The following FRAS1 variants were observed in gnomAD, a reference collection of about 807,000 sequenced individuals.
The protein encoded by FRAS1 is Fraser extracellular matrix complex subunit 1.
A neutral mutation model predicts 435.2 loss-of-function variants in FRAS1; 290 were observed. The ratio of observed to expected loss-of-function variants is 0.67; its 90% CI spans 0.61 to 0.73. FRAS1 has a LOEUF of 0.73. Among genes scored for constraint, FRAS1 ranks in the 30% least tolerant of loss-of-function variants. The pLI is 0.00. For synonymous variants in FRAS1, 1,800 were observed against 1,851.0 expected (o/e 0.97, Z 0.71); for missense variants, 4,860 against 5,001.5 (o/e 0.97, Z 0.85).
intron 9 of FRAS1, among the ~76,000 whole-genome samples, chr4:78,276,256 T>C (rs1025225006): frequency 6.6e-6 from 1 of 152,244 alleles, no homozygotes; most frequent in African/African-American, 2.4e-5. Context: ...TGCCATGGAT[T>C]TGAACTCCCT....
chr4:78,210,404 G>A (rs944930007), intron 2 of FRAS1, among the ~76,000 whole-genome samples: 3 of 152,216 alleles, frequency 2.0e-5, no homozygotes, highest in Non-Finnish European at 2.9e-5. Context: ...TCTCCCAACA[G>A]ACTCTATCAG....
At chr4:78,291,726 A>C (rs1417535363) in intron 14 of FRAS1, among the ~76,000 whole-genome samples, 1 of 152,214 alleles carries the variant, frequency 6.6e-6, no homozygotes, top group Admixed American at 6.5e-5. Context: ...GTGAGCTCAC[A>C]GTCAAGGCAG....
intron 2 of FRAS1, among the ~76,000 whole-genome samples, chr4:78,111,616 G>T (rs1405123924): frequency 4.8e-5 from 5 of 103,706 alleles, no homozygotes; most frequent in African/African-American, 7.6e-5. Context: ...GTCGGGGGAG[G>T]GGGGAGGGAT....
chr4:78,057,692 T>G lies in FRAS1; in HGVS notation c.-318T>G, dbSNP rs1739533416. ...CCCATCGGCCAGTGACCAGCAACTT[T>G]CCGGCGAGATTTTGACGCGGAGAAC... On this transcript the variant is annotated 5_prime_UTR_variant, in exon 1 of 74. Transcript: ENST00000512123. This position sits in a 1 kb window ranked among gnomAD's most constrained non-coding sequence, Gnocchi z 4.2. 8 of 418,780 alleles carry G rather than the reference T, an allele frequency of 1.9e-5. 1 individual carries two copies. In the East Asian group the frequency reaches 2.7e-4, roughly 14 times the overall value. The allele number at this position is 418,780 out of a possible 1,614,324, so 25.9% of individuals were successfully genotyped here.
In FRAS1 at chr4:78,259,412, G is replaced by A. The variant is rs1469803983; in HGVS notation, c.603+4037G>A. Among the ~76,000 whole-genome samples, 127 of 147,564 alleles carry A rather than the reference G, an allele frequency of 8.6e-4. 1 individual carries two copies. In the East Asian group the frequency reaches 0.017, roughly 19 times the overall value. ...ATGATTGCCATTCTGACTGGTGTGA[G>A]ATGGTATCTCATTGTGGTTTTGATT... On this transcript the variant is annotated intron_variant, in intron 6 of 73. Transcript: ENST00000512123.
intron 25 of FRAS1, 55 bp from the exon 26 acceptor site, chr4:78,375,684 T>C (rs1026806839): frequency 1.4e-6 from 2 of 1,477,682 alleles, no homozygotes; most frequent in Non-Finnish European, 1.8e-6. Flanking sequence ...CCTTTATTTC[T>C]TTGTCGCTGG....
intron 2 of FRAS1, among the ~76,000 whole-genome samples, chr4:78,148,233 A>G (rs1720499928): frequency 6.6e-6 from 1 of 152,132 alleles, no homozygotes; most frequent in African/African-American, 2.4e-5. Context: ...TTGGACCTGG[A>G]AAGTAGCTTA....
At chr4:78,210,550 C>T (rs1388280555) in intron 2 of FRAS1, among the ~76,000 whole-genome samples, 1 of 152,162 alleles carries the variant, frequency 6.6e-6, no homozygotes, top group Admixed American at 6.5e-5. Context: ...TTGACTTCCA[C>T]AGAGTGTCAG....
At chr4:78,412,704 A>G (rs35396776) in intron 31 of FRAS1, among the ~76,000 whole-genome samples, 50,869 of 152,076 alleles carry the variant, frequency 0.33, 8,782 homozygotes, top group Non-Finnish European at 0.38. Flanking sequence ...CTATTTCTAG[A>G]TAGTGAAATT....
intron 18 of FRAS1, among the ~76,000 whole-genome samples, chr4:78,329,597 G>T (rs375488336): frequency 1.3e-5 from 2 of 152,208 alleles, no homozygotes; most frequent in African/African-American, 4.8e-5. Flanking sequence ...ATTTAAGACA[G>T]TCTGTTATGT....
At chr4:78,168,434 C>T (rs1413951642) in intron 2 of FRAS1, among the ~76,000 whole-genome samples, 2 of 151,778 alleles carry the variant, frequency 1.3e-5, no homozygotes, top group African/African-American at 4.8e-5. Flanking sequence ...TTTGCTTCCC[C>T]CCACTTCCCT....
chr4:78,321,969 T>A (rs2110241997), intron 18 of FRAS1, among the ~76,000 whole-genome samples: 1 of 152,348 alleles, frequency 6.6e-6, no homozygotes, highest in East Asian at 1.9e-4. Context: ...AACATAATAT[T>A]ATTAGATATC....
In FRAS1 at chr4:78,407,076, A is replaced by G. The variant is rs941421004; in HGVS notation, c.4130-587A>G. On this transcript the variant is annotated intron_variant, in intron 30 of 73. Transcript: ENST00000512123. ...AAACATAAATGAGTTTCATGTTTAG[A>G]CTTGGGTCCTGAATCCAAGATATCT... Among the ~76,000 whole-genome samples, 7 of 152,366 alleles carry G rather than the reference A, an allele frequency of 4.6e-5. No individual in the cohort carries two copies. In the East Asian group the frequency reaches 1.2e-3, roughly 25 times the overall value.
chr4:78,210,084 A>G (rs1723439734), intron 2 of FRAS1, among the ~76,000 whole-genome samples: 1 of 152,142 alleles, frequency 6.6e-6, no homozygotes, highest in Admixed American at 6.5e-5. Context: ...TGATGGTAGC[A>G]CACAGCACAC....
At chr4:78,392,699 T>G (rs1442578676) in intron 29 of FRAS1, among the ~76,000 whole-genome samples, 1 of 150,716 alleles carries the variant, frequency 6.6e-6, no homozygotes, top group Non-Finnish European at 1.5e-5. Flanking sequence ...TGCCTGCTAA[T>G]GTGGTCCTCT....
At chr4:78,320,188 TC>T (rs1729445082) in intron 18 of FRAS1, among the ~76,000 whole-genome samples, 1 of 152,172 alleles carries the variant, frequency 6.6e-6, no homozygotes, top group African/African-American at 2.4e-5. Flanking sequence ...TCTCCAGACA[TC>T]CTGGTTTCTA....
At chr4:78,391,001 A>G (rs1040629491) in intron 29 of FRAS1, among the ~76,000 whole-genome samples, 5 of 152,268 alleles carry the variant, frequency 3.3e-5, no homozygotes, top group African/African-American at 9.6e-5. Context: ...TCCCCTGAGC[A>G]GAGCACATCG....
intron 27 of FRAS1, among the ~76,000 whole-genome samples, chr4:78,383,160 C>T (rs374511570): frequency 4.6e-5 from 7 of 152,124 alleles, no homozygotes; most frequent in Admixed American, 2.6e-4. Flanking sequence ...GCTTGAACAA[C>T]GGCTTATTTT....
chr4:78,534,338 A>G (rs989645682), intron 70 of FRAS1, 111 bp from the exon 71 acceptor site: 42 of 808,870 alleles, frequency 5.2e-5, no homozygotes, highest in Non-Finnish European at 6.7e-5. Flanking sequence ...AGTGCCCACA[A>G]CAAAGCTCTG....
Sources: gnomAD v4.1 joint callset for allele counts (sites outside exome capture counted in the v4.1 genomes callset) on GRCh38, gnomAD v4.1.1 for gene constraint, Gnocchi (gnomAD v3.1) non-coding constraint, MANE v1.5 for transcripts, NCBI Gene and HGNC (gene_info 2026-07-23, HGNC 2026-07-21) for gene names.